Variants in B4GALNT2 observed in about 807,000 individuals in gnomAD.
The protein encoded by B4GALNT2 is N-acetylneuraminylgalactosylglucosyl-glucoside beta-1,4-N- acetylgalactosaminyltransferase 2.
Under a neutral mutation model 51.1 loss-of-function variants are expected in B4GALNT2, and 42 were observed. That is an observed-to-expected ratio of 0.82 (90% confidence interval 0.64 to 1.06). The LOEUF is 1.06. B4GALNT2 is among the 50% of genes least tolerant of loss of function. The probability of loss-of-function intolerance (pLI) is 0.00; values close to 1 mark genes in which losing one functional copy is unlikely to be tolerated. For missense variants in B4GALNT2, 602 were observed against 633.6 expected, an observed-to-expected ratio of 0.95 and a Z score of 0.54; for synonymous variants, 253 against 251.7, an observed-to-expected ratio of 1.01 and a Z score of -0.05.
chr17:49,173,422 C>G lies in B4GALNT2; in HGVS notation c.*3694C>G, dbSNP rs990718536. ...TTTCAAGCCAGAGTTAGAAGCTTTA[C>G]CATTACTAGACCCATCTGTGAAGAC... On this transcript the variant is annotated 3_prime_UTR_variant, in exon 11 of 11. Transcript: ENST00000393354. 6.6e-6 allele frequency: 1 copy of G among 152,168 alleles called. No homozygotes were observed. The highest frequency in any genetic ancestry group is 6.5e-5 in the Admixed American group (1 of 15,274). 9.4% of individuals were successfully genotyped at this position (152,168 alleles called of 1,614,324 possible). A position where few individuals can be genotyped will look rare whatever the true frequency, so the allele number is the denominator to read the frequency against.
upstream of B4GALNT2, among the ~76,000 whole-genome samples, chr17:49,131,678 T>C (rs1269799806): frequency 6.6e-6 from 1 of 151,920 alleles, no homozygotes; most frequent in African/African-American, 2.4e-5. Context: ...CCCGGGCTAA[T>C]TTTTGTATTT....
chr17:49,160,267 A>G (rs2042850921), intron 6 of B4GALNT2, among the ~76,000 whole-genome samples: 1 of 152,160 alleles, frequency 6.6e-6, no homozygotes, highest in Non-Finnish European at 1.5e-5. Context: ...CAGATAGTAA[A>G]TGGTAAAGTC....
At chr17:49,132,520 G>A (rs2042548314), upstream of B4GALNT2, 1 of 390,462 alleles carries the variant, frequency 2.6e-6, no homozygotes, top group East Asian at 3.7e-5. Context: ...GGTAGGGACC[G>A]TGGTGATAGA....
chr17:49,125,307 G>A, the B4GALNT2 span, among the ~76,000 whole-genome samples: 2 of 152,054 alleles, frequency 1.3e-5, no homozygotes, highest in Non-Finnish European at 2.9e-5. Context: ...TTACAGGCGA[G>A]CGCCACCATT....
At chr17:49,136,971 A>G (rs1319279362) in intron 1 of B4GALNT2, among the ~76,000 whole-genome samples, 2 of 152,216 alleles carry the variant, frequency 1.3e-5, no homozygotes, top group African/African-American at 2.4e-5. Context: ...ATTACATAGT[A>G]AAACAAATTA....
At chr17:49,149,675 G>T (rs965000844) in intron 3 of B4GALNT2, among the ~76,000 whole-genome samples, 1 of 152,180 alleles carries the variant, frequency 6.6e-6, no homozygotes, top group African/African-American at 2.4e-5. Context: ...ACACGTATAA[G>T]GATGTTCATT....
rs182483130 is a variant in B4GALNT2 at position 49,170,984 on chromosome 17, G to C, written c.*1256G>C. 5 of 154,686 alleles carry C rather than the reference G, an allele frequency of 3.2e-5. No homozygotes were observed. Among genetic ancestry groups the C allele is most frequent in the Non-Finnish European group, 7.2e-5 (5 of 69,742 alleles). The allele number at this position is 154,686 out of a possible 1,614,324, so 9.6% of individuals were successfully genotyped here. On this transcript the variant is annotated 3_prime_UTR_variant, in exon 11 of 11. Coordinates refer to ENST00000393354, the MANE Select transcript of B4GALNT2 (RefSeq NM_001159387.2). ...TTTGTGGCTTAGGAATGCTTTAAGC[G>C]GTTTTCCACCCTGGGTGGGCCAGGT...
At chr17:49,120,761 C>A in the B4GALNT2 span, among the ~76,000 whole-genome samples, 1 of 152,000 alleles carries the variant, frequency 6.6e-6, no homozygotes, top group Admixed American at 6.6e-5. Flanking sequence ...CCATCCACCT[C>A]GGCTTCCCAA....
chr17:49,162,619 A>G (rs577415656), intron 7 of B4GALNT2, among the ~76,000 whole-genome samples: 1 of 152,276 alleles, frequency 6.6e-6, no homozygotes, highest in East Asian at 1.9e-4. Context: ...ATGACAAAAA[A>G]CAGAATGGGC....
chr17:49,137,274 A>G (rs1226435077), intron 1 of B4GALNT2, among the ~76,000 whole-genome samples: 5 of 152,232 alleles, frequency 3.3e-5, no homozygotes, highest in African/African-American at 1.2e-4. Context: ...AGACAATGTT[A>G]AGAAATGGGG....
intron 1 of B4GALNT2, among the ~76,000 whole-genome samples, chr17:49,136,311 A>G (rs1416115423): frequency 6.6e-6 from 1 of 151,808 alleles, no homozygotes; most frequent in Non-Finnish European, 1.5e-5. Flanking sequence ...TCATTACTAA[A>G]AAAGAAAGAA....
chr17:49,163,623 G>A (rs752712220), intron 7 of B4GALNT2, among the ~76,000 whole-genome samples: 3 of 152,026 alleles, frequency 2.0e-5, no homozygotes, highest in Admixed American at 6.6e-5. Flanking sequence ...GGGTGTGATG[G>A]TGCATGCCTA....
At chr17:49,145,838 C>T (rs980184326) in intron 3 of B4GALNT2, among the ~76,000 whole-genome samples, 10 of 152,210 alleles carry the variant, frequency 6.6e-5, no homozygotes, top group Non-Finnish European at 7.3e-5. Context: ...AACACAGTAA[C>T]TTCCTTCTTA....
chr17:49,150,297 G>T (rs1381089027), intron 3 of B4GALNT2, among the ~76,000 whole-genome samples: 1 of 17,616 alleles, frequency 5.7e-5, no homozygotes, highest in Non-Finnish European at 1.1e-4. Context: ...GAGGGAGGTG[G>T]GGGGGGTCAG....
intron 4 of B4GALNT2, 43 bp from the exon 5 acceptor site, chr17:49,156,523 T>C (rs2042812084): frequency 6.2e-7 from 1 of 1,609,618 alleles, no homozygotes; most frequent in Admixed American, 1.7e-5. Flanking sequence ...AGCTGCGATG[T>C]CTTTCATGAG....
At chr17:49,159,718 G>A (rs1443348928) in intron 6 of B4GALNT2, among the ~76,000 whole-genome samples, 1 of 152,040 alleles carries the variant, frequency 6.6e-6, no homozygotes, top group Non-Finnish European at 1.5e-5. Context: ...ACTGTACCCA[G>A]TACTATCCCC....
intron 7 of B4GALNT2, among the ~76,000 whole-genome samples, chr17:49,162,080 C>T (rs180703180): frequency 9.0e-4 from 137 of 151,924 alleles, no homozygotes; most frequent in African/African-American, 3.0e-3. Context: ...CTCCACCTCC[C>T]GGGCTCACAC....
At chr17:49,158,973 T>C in intron 5 of B4GALNT2, 64 bp from the exon 6 acceptor site, 4 of 1,554,044 alleles carry the variant, frequency 2.6e-6, no homozygotes, top group Non-Finnish European at 3.5e-6. Context: ...GGTATGTATG[T>C]ATCTTTCCAG....
At chr17:49,160,464 G>A in intron 6 of B4GALNT2, 91 bp from the exon 7 acceptor site, 1 of 1,200,346 alleles carries the variant, frequency 8.3e-7, no homozygotes, top group Non-Finnish European at 1.2e-6. Context: ...CACCAAACCT[G>A]TACTCGCCTG....
Sources: gnomAD v4.1 joint callset for allele counts (sites outside exome capture counted in the v4.1 genomes callset) on GRCh38, gnomAD v4.1.1 for gene constraint, MANE v1.5 for transcripts, NCBI Gene and HGNC (gene_info 2026-07-23, HGNC 2026-07-21) for gene names.